CACNA2D1: variants seen among roughly 807,000 people sequenced by gnomAD.
The protein encoded by CACNA2D1 is voltage-dependent calcium channel subunit alpha-2/delta-1.
A neutral mutation model predicts 171.5 loss-of-function variants in CACNA2D1; 53 were observed. The ratio of observed to expected loss-of-function variants is 0.31; its 90% confidence interval spans 0.25 to 0.39. CACNA2D1 has a LOEUF of 0.39. Among genes scored for constraint, CACNA2D1 ranks in the 10% least tolerant of loss-of-function variants. CACNA2D1 has a pLI of 1.00. For missense variants in CACNA2D1, 903 were observed against 1,299.8 expected (o/e 0.69, Z 4.69); for synonymous variants, 442 against 443.1 (o/e 1.00, Z 0.03).
chr7:82,251,618 TA>T lies in CACNA2D1; in HGVS notation c.295-81010del, dbSNP rs1403264323. On this transcript the variant is annotated intron_variant, in intron 3 of 38. Coordinates refer to ENST00000356860, the MANE Select transcript of CACNA2D1 (RefSeq NM_000722.4). Reference sequence around the variant, plus strand: ...ATATGGGTGTGAAAGGATTAAGCTGTAATGCTTTTTTCCGTTGCTTTTCTAG... The same window carrying T: ...ATATGGGTGTGAAAGGATTAAGCTGTATGCTTTTTTCCGTTGCTTTTCTAG... Among the ~76,000 whole-genome samples the T allele has an allele frequency of 2.6e-5, 4 of 152,338 alleles. No individual in the cohort carries two copies. In the East Asian group the frequency reaches 7.7e-4, roughly 29 times the overall value.
intron 23 of CACNA2D1, 129 bp downstream of exon 23, chr7:81,983,185 T>G (rs975065631): frequency 2.2e-5 from 17 of 774,398 alleles, no homozygotes; most frequent in Middle Eastern, 2.4e-4. Flanking sequence ...CTGCTAAGTT[T>G]TGAGTGATCA....
At chr7:82,217,973 C>A (rs1801347101) in intron 3 of CACNA2D1, among the ~76,000 whole-genome samples, 2 of 151,094 alleles carry the variant, frequency 1.3e-5, no homozygotes, top group African/African-American at 4.9e-5. Context: ...CTCGCCCTGT[C>A]GCTCAGGCTG....
chr7:81,994,406 A>G (rs935681880), intron 20 of CACNA2D1, among the ~76,000 whole-genome samples: 2 of 152,248 alleles, frequency 1.3e-5, no homozygotes, highest in East Asian at 3.9e-4. Flanking sequence ...AAATCAAGCC[A>G]GAAACAAGTA....
intron 3 of CACNA2D1, among the ~76,000 whole-genome samples, chr7:82,332,565 A>AACGAAC (rs1554514997): frequency 7.3e-5 from 8 of 109,354 alleles, no homozygotes; most frequent in South Asian, 7.9e-4. Context: ...AAAGAAAGAA[A>AACGAAC]GAACGAACAG....
At chr7:82,347,753 T>C (rs1381336167) in intron 2 of CACNA2D1, among the ~76,000 whole-genome samples, 1 of 152,218 alleles carries the variant, frequency 6.6e-6, no homozygotes, top group Non-Finnish European at 1.5e-5. Flanking sequence ...TTGGAATTTT[T>C]CTGTGACCGT....
At chr7:82,408,250 T>A (rs1383456987) in intron 1 of CACNA2D1, among the ~76,000 whole-genome samples, 1 of 152,112 alleles carries the variant, frequency 6.6e-6, no homozygotes, top group African/African-American at 2.4e-5. Context: ...CTCGAACTCC[T>A]GACCTCAAGT....
chr7:82,379,391 C>T (rs1490982497), intron 1 of CACNA2D1, among the ~76,000 whole-genome samples: 3 of 152,130 alleles, frequency 2.0e-5, no homozygotes, highest in African/African-American at 4.8e-5. Flanking sequence ...ATAGAAGCAT[C>T]TAAATATTTT....
chr7:81,991,376 T>G, intron 20 of CACNA2D1, 130 bp from the exon 21 acceptor site: 1 of 563,720 alleles, frequency 1.8e-6, no homozygotes, highest in South Asian at 2.6e-5. Flanking sequence ...GTATGATCTA[T>G]TTTATTCTAT....
chr7:82,321,328 G>A (rs1162324654), intron 3 of CACNA2D1, among the ~76,000 whole-genome samples: 3 of 152,120 alleles, frequency 2.0e-5, no homozygotes, highest in African/African-American at 7.2e-5. Flanking sequence ...GAACCTGGGA[G>A]GTGGAGGTTG....
intron 25 of CACNA2D1, among the ~76,000 whole-genome samples, chr7:81,972,379 C>A (rs1795371152): frequency 6.6e-6 from 1 of 151,722 alleles, no homozygotes; most frequent in African/African-American, 2.4e-5. Context: ...TCATTCTTTT[C>A]TATCACAAAT....
intron 5 of CACNA2D1, among the ~76,000 whole-genome samples, chr7:82,127,948 C>T (rs920996342): frequency 6.6e-6 from 1 of 152,028 alleles, no homozygotes. Context: ...GTTTTTGAGA[C>T]AGGGTCTCAC....
intron 4 of CACNA2D1, among the ~76,000 whole-genome samples, chr7:82,163,932 A>G (rs1237908273): frequency 3.3e-5 from 5 of 151,992 alleles, no homozygotes; most frequent in Admixed American, 2.6e-4. Context: ...TCTTGCAGTA[A>G]TAATTATGCT....
chr7:82,349,686 T>C, intron 1 of CACNA2D1, 37 bp from the exon 2 acceptor site: 1 of 1,486,848 alleles, frequency 6.7e-7, no homozygotes, highest in Non-Finnish European at 9.4e-7. Flanking sequence ...CTATCAGATC[T>C]CTGGCAAATA....
chr7:82,025,183 G>A (rs1801727773), intron 12 of CACNA2D1, among the ~76,000 whole-genome samples: 1 of 151,538 alleles, frequency 6.6e-6, no homozygotes, highest in Non-Finnish European at 1.5e-5. Context: ...TATTAAAAAT[G>A]CCATTGGGAT....
chr7:82,290,900 C>CTT (rs1811450488), intron 3 of CACNA2D1, among the ~76,000 whole-genome samples: 1 of 151,326 alleles, frequency 6.6e-6, no homozygotes, highest in Non-Finnish European at 1.5e-5. Flanking sequence ...CCAGTGAAAG[C>CTT]ATTATTTTTA....
intron 4 of CACNA2D1, among the ~76,000 whole-genome samples, chr7:82,161,142 A>C (rs879335373): frequency 6.6e-6 from 1 of 151,974 alleles, no homozygotes; most frequent in Non-Finnish European, 1.5e-5. Flanking sequence ...AAGCTGGGGG[A>C]AACTCAGCAA....
chr7:82,223,197 C>T (rs1263450730), intron 3 of CACNA2D1, among the ~76,000 whole-genome samples: 3 of 152,190 alleles, frequency 2.0e-5, no homozygotes, highest in Middle Eastern at 3.4e-3. Context: ...TGAGCCACCG[C>T]GCTCAGCCAG....
intron 24 of CACNA2D1, among the ~76,000 whole-genome samples, chr7:81,978,822 T>TA (rs1562811993): frequency 0.025 from 844 of 33,298 alleles, 2 homozygotes; most frequent in East Asian, 0.034. Context: ...ATATATATAT[T>TA]TATTTATTTA....
At chr7:82,145,379 ATATTATATATG>A (rs1222061351) in intron 4 of CACNA2D1, among the ~76,000 whole-genome samples, 2 of 144,838 alleles carry the variant, frequency 1.4e-5, no homozygotes, top group Non-Finnish European at 3.0e-5. Flanking sequence ...TATATATTAT[ATATTATATATG>A]TATTATATAT....
Sources: gnomAD v4.1 joint callset for allele counts (sites outside exome capture counted in the v4.1 genomes callset) on GRCh38, gnomAD v4.1.1 for gene constraint, MANE v1.5 for transcripts, NCBI Gene and HGNC (gene_info 2026-07-23, HGNC 2026-07-21) for gene names.